SMTNL2: variants seen among roughly 807,000 people sequenced by gnomAD.
SMTNL2 encodes smoothelin like 2, also known as smoothelin-like protein 2.
A neutral mutation model predicts 44.1 loss-of-function variants in SMTNL2; 43 were observed. That is an observed-to-expected ratio of 0.98 (90% confidence interval 0.76 to 1.26). The LOEUF (loss-of-function observed/expected upper bound fraction) is 1.26, where lower values mean the gene tolerates loss of function less well. Among genes scored for constraint, SMTNL2 ranks in the 50% most tolerant of loss-of-function variants. The pLI is 0.00. For missense variants in SMTNL2, 646 were observed against 670.2 expected, an observed-to-expected ratio of 0.96 and a Z score of 0.40; for synonymous variants, 317 against 287.6, an observed-to-expected ratio of 1.10 and a Z score of -1.03.
chr17:4,594,553 T>C (rs1208666896), intron 4 of SMTNL2, among the ~76,000 whole-genome samples: 1 of 152,138 alleles, frequency 6.6e-6, no homozygotes, highest in Non-Finnish European at 1.5e-5. Flanking sequence ...CTTTGTCTTC[T>C]TCCATCCCAG....
At chr17:4,584,520 C>A (rs1179230105), upstream of SMTNL2, 1 of 1,203,228 alleles carries the variant, frequency 8.3e-7, no homozygotes, top group Non-Finnish European at 1.0e-6. Flanking sequence ...AAGCCAGCCA[C>A]GGACGGCCAG....
intron 7 of SMTNL2, among the ~76,000 whole-genome samples, chr17:4,602,311 CTTTTTTTTTTTTT>C (rs35927212): frequency 6.9e-5 from 3 of 43,730 alleles, no homozygotes; most frequent in East Asian, 1.9e-3. Flanking sequence ...AAGGCAGGTG[CTTTTTTTTTTTTT>C]TTTTTTTTTT....
intron 3 of SMTNL2, 96 bp from the exon 4 acceptor site, chr17:4,593,726 G>T: frequency 8.0e-7 from 1 of 1,245,218 alleles, no homozygotes; most frequent in Non-Finnish European, 1.2e-6. Flanking sequence ...CAGCGATGCC[G>T]GGTAAATGAG....
rs1910313542 is a variant in SMTNL2, at chr17:4,607,234, G to C, written c.1260-127G>C. The C allele has an allele frequency of 6.9e-7, 1 of 1,451,094 alleles. No individual in the cohort carries two copies. Among genetic ancestry groups the C allele is most frequent in the Admixed American group, 1.9e-5 (1 of 51,422 alleles). The allele number at this position is 1,451,094 out of a possible 1,614,324, so 89.9% of individuals were successfully genotyped here. On this transcript the variant is annotated intron_variant, in intron 7 of 7. Coordinates refer to ENST00000389313, the MANE Select transcript of SMTNL2 (RefSeq NM_001114974.2). This position sits in a 1 kb window ranked among gnomAD's most constrained non-coding sequence, Gnocchi z 4.7. ...CCAGGGTTATCTGAATTCCCCGCTG[G>C]TGGGTCCTTGGGAACCTCTGGCTGC...
At chr17:4,605,353 G>T (rs1910228847) in intron 7 of SMTNL2, among the ~76,000 whole-genome samples, 1 of 151,758 alleles carries the variant, frequency 6.6e-6, no homozygotes, top group South Asian at 2.1e-4. Context: ...TAGAGACGGG[G>T]TTTTGCTGTG....
At chr17:4,604,001 C>A (rs1014426390) in intron 7 of SMTNL2, among the ~76,000 whole-genome samples, 2 of 152,138 alleles carry the variant, frequency 1.3e-5, no homozygotes, top group African/African-American at 4.8e-5. Flanking sequence ...TACGCCACCA[C>A]ACCCAGCTAA....
intron 1 of SMTNL2, among the ~76,000 whole-genome samples, chr17:4,589,813 C>A (rs1222490990): frequency 6.6e-6 from 1 of 151,874 alleles, no homozygotes. Context: ...GTCCCCCAAC[C>A]CCCTGTCCCC....
chr17:4,590,116 A>G (rs1430466415), intron 1 of SMTNL2, among the ~76,000 whole-genome samples: 1 of 151,370 alleles, frequency 6.6e-6, no homozygotes, highest in Non-Finnish European at 1.5e-5. Flanking sequence ...ACAGGCACCC[A>G]CCACCATGCC....
At chr17:4,594,395 G>A (rs901926668) in intron 4 of SMTNL2, among the ~76,000 whole-genome samples, 2 of 152,102 alleles carry the variant, frequency 1.3e-5, no homozygotes, top group African/African-American at 4.8e-5. Flanking sequence ...TTTGCAGTGA[G>A]CCAAGATGGT....
upstream of SMTNL2, chr17:4,584,491 C>T (rs1017101335): frequency 1.3e-5 from 15 of 1,153,346 alleles, no homozygotes; most frequent in South Asian, 2.6e-4. Flanking sequence ...CGCCCGCCTC[C>T]CCGGCAGCCC....
Position 4,596,892 on chromosome 17 carries a change from G to C in SMTNL2, c.1022G>C (p.Arg341Pro), listed in dbSNP as rs761767745. 6.6e-7 allele frequency: 1 copy of C among 1,514,278 alleles called. No individual in the cohort carries two copies. The highest frequency in any genetic ancestry group is 1.4e-5 in the African/African-American group (1 of 72,184). The allele number at this position is 1,514,278 out of a possible 1,614,324, so 93.8% of individuals were successfully genotyped here. The change falls in exon 6 of 8, where the codon CGG (arginine) becomes CCG (proline). Residue 341 changes from arginine to proline, a missense_variant. Arg to Pro is a moderately radical substitution (Grantham distance 103, BLOSUM62 -2). Coordinates refer to ENST00000389313, the MANE Select transcript of SMTNL2 (RefSeq NM_001114974.2). ...GGCGAGGCCCGGGCCAGGCTGAAGCGGTCGCAGAGCTTCGGCGTGGCCAGC... is the reference window on the plus strand; with the variant it reads ...GGCGAGGCCCGGGCCAGGCTGAAGCCGTCGCAGAGCTTCGGCGTGGCCAGC... ...GKGEARARLK[R>P]SQSFGVASAS...
At chr17:4,596,025 G>A (rs1909793787) in intron 5 of SMTNL2, among the ~76,000 whole-genome samples, 1 of 113,684 alleles carries the variant, frequency 8.8e-6, no homozygotes, top group Non-Finnish European at 2.0e-5. Flanking sequence ...GCAGGGTGTG[G>A]CCCAAGCGTG....
Position 4,607,379 on chromosome 17 carries a change from GC to G in SMTNL2, c.1279del (p.Arg427AlafsTer8), listed in dbSNP as rs779404359. The G allele has an allele frequency of 6.2e-7, 1 of 1,614,154 alleles. No individual in the cohort carries two copies. The highest frequency in any genetic ancestry group is 8.5e-7 in the Non-Finnish European group (1 of 1,180,030). ...TMAENLANCE[R>X]LIEVEDMMVM... ...GTTTCAGGAATCTGGCCAACTGTGA[GC>G]GCCTCATCGAAGTGGAGGACATGAT... On this transcript the variant is annotated frameshift_variant, in exon 8 of 8. Coordinates refer to ENST00000389313, the MANE Select transcript of SMTNL2 (RefSeq NM_001114974.2). LOFTEE classifies it high-confidence loss of function. This position sits in a 1 kb window ranked among gnomAD's most constrained non-coding sequence, Gnocchi z 4.7.
At chr17:4,596,640 G>GTAGGGGTGA (rs1909825728) in intron 5 of SMTNL2, among the ~76,000 whole-genome samples, 4 of 152,304 alleles carry the variant, frequency 2.6e-5, no homozygotes, top group African/African-American at 9.6e-5. Context: ...GGACGGTCCT[G>GTAGGGGTGA]CCACATACCA....
At position 4,584,569 on chromosome 17, in the gene SMTNL2, G is replaced by C; in HGVS notation, c.-37G>C. On this transcript the variant is annotated 5_prime_UTR_variant, in exon 1 of 8. Transcript: ENST00000389313. ...CTGCGGAGCTCGGATCTTCTCCCCC[G>C]TCTGGCCCGCTCTCGACCCGCGCGC... 1 of 1,219,666 alleles carries C rather than the reference G, an allele frequency of 8.2e-7. No homozygotes were observed. Among genetic ancestry groups the C allele is most frequent in the Non-Finnish European group, 1.0e-6 (1 of 979,854 alleles). 75.6% of individuals were successfully genotyped at this position (1,219,666 alleles called of 1,614,324 possible). A position where few individuals can be genotyped will look rare whatever the true frequency, so the allele number is the denominator to read the frequency against.
Position 4,585,058 on chromosome 17 carries a change from G to A in SMTNL2, c.399+54G>A, listed in dbSNP as rs553801698. On this transcript the variant is annotated intron_variant, in intron 1 of 7. Coordinates refer to ENST00000389313, the MANE Select transcript of SMTNL2 (RefSeq NM_001114974.2). Reference sequence around the variant, plus strand: ...GCCAGGGAGTGGGGCTCCGAACCGGGTGCCGCCCCTTCGCCCCGACTGCCT... The same window carrying A: ...GCCAGGGAGTGGGGCTCCGAACCGGATGCCGCCCCTTCGCCCCGACTGCCT... The A allele has an allele frequency of 1.0e-4, 129 of 1,287,114 alleles. No homozygotes were observed. The African/African-American group carries it at 1.9e-3, about 19-fold the overall frequency. The allele number at this position is 1,287,114 out of a possible 1,614,324, so 79.7% of individuals were successfully genotyped here.
chr17:4,588,496 T>A (rs1253354965), intron 1 of SMTNL2, among the ~76,000 whole-genome samples: 1 of 152,106 alleles, frequency 6.6e-6, no homozygotes, highest in East Asian at 1.9e-4. Context: ...TCTGCCCCGG[T>A]CCCAGCATAC....
intron 7 of SMTNL2, 78 bp downstream of exon 7, chr17:4,597,401 G>A: frequency 6.4e-7 from 1 of 1,569,498 alleles, no homozygotes; most frequent in Non-Finnish European, 8.7e-7. Flanking sequence ...TGGGGCATGG[G>A]GGCGAGTGGG....
intron 1 of SMTNL2, among the ~76,000 whole-genome samples, chr17:4,588,909 G>A (rs1299321300): frequency 3.9e-5 from 6 of 152,198 alleles, no homozygotes; most frequent in Non-Finnish European, 5.9e-5. Flanking sequence ...CCCACCCCAC[G>A]TCTTGCTTTC....
Sources: gnomAD v4.1 joint callset for allele counts (sites outside exome capture counted in the v4.1 genomes callset) on GRCh38, gnomAD v4.1.1 for gene constraint, Gnocchi (gnomAD v3.1) non-coding constraint, MANE v1.5 for transcripts, NCBI Gene and HGNC (gene_info 2026-07-23, HGNC 2026-07-21) for gene names.